The following SUGP1 variants were observed in gnomAD, a reference collection of about 807,000 sequenced individuals.
The protein encoded by SUGP1 is SURP and G-patch domain containing 1.
In SUGP1, 34 loss-of-function variants were observed where a neutral mutation model predicts 76.5. The ratio of observed to expected loss-of-function variants is 0.44; its 90% CI spans 0.34 to 0.59. SUGP1 has a LOEUF of 0.59. Ranked by LOEUF, SUGP1 falls within the 20% of genes least tolerant of loss-of-function variation. The pLI is 0.01. For synonymous variants in SUGP1, 326 were observed against 326.2 expected, an observed-to-expected ratio of 1.00 and a Z score of 0.01; for missense variants, 752 against 851.7, an observed-to-expected ratio of 0.88 and a Z score of 1.46.
In SUGP1 at chr19:19,302,375, C is replaced by T. The variant is rs770498036; in HGVS notation, c.777G>A (p.Glu259=). 1.9e-6 allele frequency: 3 copies of T among 1,614,160 alleles called. No individual in the cohort carries two copies. The highest frequency in any genetic ancestry group is 1.1e-5 in the South Asian group (1 of 91,086). ...CTGCAAGGTTCTTGACCTCTTCGTC[C>T]TCTGGGGGTGAAACTTTAAGCAGGC... is the stretch of plus-strand genomic sequence containing the variant. The part of the protein sequence containing the change: ...QAASQKVSPP[E]DEEVKNLAEK... The change falls in exon 7 of 14, where the codon GAG becomes GAA. Residue 259 remains glutamate (E), a synonymous_variant. Transcript: ENST00000247001.
chr19:19,290,344 T>C (rs2146601511), intron 8 of SUGP1, among the ~76,000 whole-genome samples: 1 of 152,254 alleles, frequency 6.6e-6, no homozygotes, highest in South Asian at 2.1e-4. Flanking sequence ...AGATAATCAA[T>C]GTACAAACAT....
intron 8 of SUGP1, among the ~76,000 whole-genome samples, chr19:19,288,463 G>A (rs1001104299): frequency 2.5e-4 from 38 of 152,254 alleles, no homozygotes; most frequent in African/African-American, 8.9e-4. Context: ...AAGGCTTCCG[G>A]TCAACAGTAG....
At chr19:19,302,053 C>T in intron 7 of SUGP1, 5 of 656,080 alleles carry the variant, frequency 7.6e-6, no homozygotes, top group Non-Finnish European at 1.2e-5. Flanking sequence ...GCCCCGTGCA[C>T]CTGCCTCAGA....
intron 8 of SUGP1, among the ~76,000 whole-genome samples, chr19:19,284,774 G>A (rs1322085979): frequency 6.6e-6 from 1 of 152,136 alleles, no homozygotes; most frequent in Non-Finnish European, 1.5e-5. Context: ...CAGGATAACA[G>A]GAACAACAGC....
At chr19:19,316,896 G>A (rs1238621300) in intron 1 of SUGP1, among the ~76,000 whole-genome samples, 1 of 152,168 alleles carries the variant, frequency 6.6e-6, no homozygotes, top group Non-Finnish European at 1.5e-5. Context: ...CCAGCACTTT[G>A]GGAGGCAGGG....
intron 8 of SUGP1, chr19:19,281,197 G>A (rs1381202392): frequency 6.6e-6 from 1 of 152,234 alleles, no homozygotes; most frequent in East Asian, 1.9e-4. Flanking sequence ...TCCACCACAT[G>A]AGCGGGCGGG....
intron 8 of SUGP1, 52 bp downstream of exon 8, chr19:19,296,937 G>A: frequency 7.0e-7 from 1 of 1,425,590 alleles, no homozygotes; most frequent in East Asian, 2.4e-5. Context: ...ATTATGCTCA[G>A]TGAAAGAAGT....
chr19:19,290,903 G>C (rs1185098002), intron 8 of SUGP1, among the ~76,000 whole-genome samples: 3 of 152,078 alleles, frequency 2.0e-5, no homozygotes, highest in Admixed American at 2.0e-4. Flanking sequence ...CGGATCACAA[G>C]GTCAGGAGCT....
intron 2 of SUGP1, among the ~76,000 whole-genome samples, chr19:19,315,339 A>T (rs149773833): frequency 6.6e-6 from 1 of 152,014 alleles, no homozygotes; most frequent in Non-Finnish European, 1.5e-5. Context: ...AAGAAAAAAA[A>T]AAAGGAAAAG....
chr19:19,309,488 AAAAATT>A (rs959480662), intron 3 of SUGP1, among the ~76,000 whole-genome samples: 10 of 152,144 alleles, frequency 6.6e-5, no homozygotes, highest in Admixed American at 1.3e-4. Context: ...TCAAAAAAAC[AAAAATT>A]ACTGGCCGGG....
intron 2 of SUGP1, among the ~76,000 whole-genome samples, chr19:19,313,267 C>T (rs1052854857): frequency 7.2e-5 from 11 of 151,946 alleles, no homozygotes; most frequent in Admixed American, 4.6e-4. Flanking sequence ...TGGTAGCGGG[C>T]ACCTGTAATC....
chr19:19,284,766 G>A (rs1437349355), intron 8 of SUGP1, among the ~76,000 whole-genome samples: 1 of 152,160 alleles, frequency 6.6e-6, no homozygotes, highest in Non-Finnish European at 1.5e-5. Context: ...GAAGATGTCA[G>A]GATAACAGGA....
intron 1 of SUGP1, 76 bp downstream of exon 1, chr19:19,320,387 C>A: frequency 4.6e-6 from 7 of 1,505,506 alleles, no homozygotes; most frequent in Non-Finnish European, 6.3e-6. Flanking sequence ...CGCAGCAGGA[C>A]GGACCCGAGG....
intron 13 of SUGP1, 71 bp from the exon 14 acceptor site, chr19:19,276,745 C>T (rs2146586136): frequency 6.2e-7 from 1 of 1,607,646 alleles, no homozygotes; most frequent in East Asian, 2.2e-5. Flanking sequence ...CTGTCTGGAA[C>T]CTTCCGGAGG....
intron 4 of SUGP1, 92 bp from the exon 5 acceptor site, chr19:19,303,939 G>A (rs529571766): frequency 3.1e-6 from 5 of 1,601,344 alleles, no homozygotes; most frequent in Non-Finnish European, 4.2e-6. Context: ...CAGAGGGGGT[G>A]GGGGGAGAAG....
chr19:19,296,901 C>T, intron 8 of SUGP1, 88 bp downstream of exon 8: 1 of 1,142,112 alleles, frequency 8.8e-7, no homozygotes, highest in South Asian at 1.7e-5. Context: ...CTGATACAAG[C>T]TACACTGTGG....
chr19:19,279,057 GC>G (rs2061076088), intron 10 of SUGP1, among the ~76,000 whole-genome samples, 155 bp downstream of exon 10: 1 of 152,186 alleles, frequency 6.6e-6, no homozygotes, highest in African/African-American at 2.4e-5. Flanking sequence ...GAGAGACTGA[GC>G]CTCTCACTCC....
intron 2 of SUGP1, among the ~76,000 whole-genome samples, chr19:19,313,386 C>T (rs2061366570): frequency 6.6e-6 from 1 of 151,946 alleles, no homozygotes; most frequent in South Asian, 2.1e-4. Context: ...CAGAGTTAGA[C>T]TTCATCTCAA....
At chr19:19,314,863 C>T (rs1357342562) in intron 2 of SUGP1, among the ~76,000 whole-genome samples, 5 of 152,100 alleles carry the variant, frequency 3.3e-5, no homozygotes, top group East Asian at 1.9e-4. Context: ...GGAGAAACCC[C>T]GCCTCTACTA....
Sources: gnomAD v4.1 joint callset for allele counts (sites outside exome capture counted in the v4.1 genomes callset) on GRCh38, gnomAD v4.1.1 for gene constraint, MANE v1.5 for transcripts, NCBI Gene and HGNC (gene_info 2026-07-23, HGNC 2026-07-21) for gene names.